The following PCDHGA1 variants were observed in gnomAD, a reference collection of about 807,000 sequenced individuals.
The protein encoded by PCDHGA1 is protocadherin gamma-A1.
In PCDHGA1, 32 loss-of-function variants were observed where a neutral mutation model predicts 58.0. The observed-to-expected ratio is 0.55, with a 90% confidence interval of 0.42 to 0.74. The LOEUF (loss-of-function observed/expected upper bound fraction) is 0.74. Ranked by LOEUF, PCDHGA1 falls within the 30% of genes least tolerant of loss-of-function variation. The pLI is 0.00. For synonymous variants in PCDHGA1, 498 were observed against 501.1 expected (o/e 0.99, Z 0.08); for missense variants, 1,205 against 1,182.3 (o/e 1.02, Z -0.28).
At chr5:141,419,279 G>C in intron 1 of PCDHGA1, 1 of 1,614,042 alleles carries the variant, frequency 6.2e-7, no homozygotes, top group South Asian at 1.1e-5. Flanking sequence ...CATAGCGCAA[G>C]TCAGTGCCTC....
intron 1 of PCDHGA1, chr5:141,387,691 G>C (rs1032902954): frequency 3.3e-5 from 28 of 840,822 alleles, no homozygotes; most frequent in Non-Finnish European, 4.7e-5. Context: ...GCCGCAGCGC[G>C]CTTTCCAGGG....
intron 1 of PCDHGA1, chr5:141,422,819 T>C (rs369004166): frequency 2.5e-6 from 4 of 1,614,068 alleles, no homozygotes; most frequent in Non-Finnish European, 2.5e-6. Flanking sequence ...GACTTAGAAC[T>C]GAGAGTGATA....
chr5:141,365,266 C>A, intron 1 of PCDHGA1: 2 of 1,613,938 alleles, frequency 1.2e-6, no homozygotes, highest in African/African-American at 2.7e-5. Context: ...ATGAAGAATC[C>A]AGATTCTACC....
intron 1 of PCDHGA1, among the ~76,000 whole-genome samples, chr5:141,458,101 G>C (rs530847477): frequency 3.3e-5 from 5 of 152,200 alleles, no homozygotes; most frequent in Non-Finnish European, 7.4e-5. Flanking sequence ...AGTACTTACA[G>C]ATAGTCTCCA....
chr5:141,339,523 G>A (rs6861047), intron 1 of PCDHGA1: 246,600 of 1,614,014 alleles, frequency 0.15, 20,246 homozygotes, highest in Non-Finnish European at 0.17. Context: ...ACGTGCGAAG[G>A]GGAGCTGATG....
At chr5:141,394,696 C>G (rs1006890229) in intron 1 of PCDHGA1, 1 of 1,612,928 alleles carries the variant, frequency 6.2e-7, no homozygotes, top group African/African-American at 1.3e-5. Context: ...GAGGTGCGCA[C>G]GGCGCGAGCC....
At chr5:141,352,759 G>A in intron 1 of PCDHGA1, 1 of 1,332,854 alleles carries the variant, frequency 7.5e-7, no homozygotes. Context: ...CCAGGCTGAG[G>A]CAGGTGGATC....
chr5:141,484,699 T>A (rs899065665), intron 1 of PCDHGA1, among the ~76,000 whole-genome samples: 4 of 151,966 alleles, frequency 2.6e-5, no homozygotes, highest in African/African-American at 9.7e-5. Flanking sequence ...GCTGTGGCTG[T>A]TTTCCCCGCC....
chr5:141,477,551 C>A lies in PCDHGA1; in HGVS notation c.2422-17256C>A. The A allele has an allele frequency of 6.2e-7, 1 of 1,614,178 alleles. No homozygotes were observed. The highest frequency in any genetic ancestry group is 1.3e-5 in the African/African-American group (1 of 75,032). ...CCTCCCCGGGGCTCCAATACTAAAC[C>A]TAAGTGTCTGGGACCCCGACGCCCC... is the stretch of plus-strand genomic sequence containing the variant. On this transcript the variant is annotated intron_variant, in intron 1 of 3. Transcript: ENST00000517417. The surrounding 1 kb of genome is among the most constrained non-coding windows in gnomAD (Gnocchi z 4.9).
intron 2 of PCDHGA1, among the ~76,000 whole-genome samples, chr5:141,502,989 G>A (rs140974023): frequency 0.024 from 3,652 of 150,590 alleles, 56 homozygotes; most frequent in East Asian, 0.043. Context: ...GATTACAGGC[G>A]TGTGCCACCA....
intron 1 of PCDHGA1, chr5:141,423,820 C>T: frequency 7.9e-7 from 1 of 1,272,642 alleles, no homozygotes. Context: ...TTTTACTTTG[C>T]CTTTCATGAG....
chr5:141,433,115 G>T, intron 1 of PCDHGA1: 1 of 1,613,762 alleles, frequency 6.2e-7, no homozygotes, highest in Non-Finnish European at 8.5e-7. Context: ...GGAGAGCTTT[G>T]AAAAAAGCGA....
chr5:141,362,099 C>T, intron 1 of PCDHGA1: 1 of 1,613,886 alleles, frequency 6.2e-7, no homozygotes, highest in South Asian at 1.1e-5. Context: ...CCGCCACTCT[C>T]CGCTACGGCC....
chr5:141,413,910 C>T, intron 1 of PCDHGA1: 1 of 1,613,376 alleles, frequency 6.2e-7, no homozygotes, highest in Non-Finnish European at 8.5e-7. Flanking sequence ...ACGCGCCGGT[C>T]TTCACCTTGC....
chr5:141,360,595 C>G, intron 1 of PCDHGA1: 2 of 1,614,022 alleles, frequency 1.2e-6, no homozygotes, highest in Non-Finnish European at 1.7e-6. Context: ...AACATTTCCA[C>G]TTGACCCAGC....
intron 1 of PCDHGA1, chr5:141,422,076 G>C (rs2096622180): frequency 1.2e-6 from 2 of 1,612,270 alleles, no homozygotes; most frequent in South Asian, 1.1e-5. Flanking sequence ...ATTCATTTCG[G>C]AACATGGAAA....
Position 141,403,985 on chromosome 5 carries a change from C to T in PCDHGA1, c.2421+70880C>T, listed in dbSNP as rs765326042. The T allele has an allele frequency of 5.7e-5, 92 of 1,613,546 alleles. No individual in the cohort carries two copies. The Admixed American group carries it at 7.2e-4, about 13-fold the overall frequency. On this transcript the variant is annotated intron_variant, in intron 1 of 3. Coordinates refer to ENST00000517417, the MANE Select transcript of PCDHGA1 (RefSeq NM_018912.3). ...GGTGGAAGATGTAAATGACAATAGA[C>T]CTGAAGTGACCATTACATCTCTGTT...
In PCDHGA1 at chr5:141,423,069, G is replaced by A. The variant is rs1364397726; in HGVS notation, c.2422-71738G>A. ...CCTATCGCCTGCTTAAGGCCAGCGA[G>A]CCGGGACTCTTCGCGGTGGGGGAGC... On this transcript the variant is annotated intron_variant, in intron 1 of 3. Transcript: ENST00000517417. 8 of 1,614,034 alleles carry A rather than the reference G, an allele frequency of 5.0e-6. No homozygotes were observed. In the African/African-American group the frequency reaches 1.1e-4, roughly 22 times the overall value.
chr5:141,413,981 C>A (rs563161887), intron 1 of PCDHGA1: 1 of 1,613,452 alleles, frequency 6.2e-7, no homozygotes, highest in Admixed American at 1.7e-5. Context: ...CTGACAGTCA[C>A]AGCCACCGAC....
Sources: gnomAD v4.1 joint callset for allele counts (sites outside exome capture counted in the v4.1 genomes callset) on GRCh38, gnomAD v4.1.1 for gene constraint, Gnocchi (gnomAD v3.1) non-coding constraint, MANE v1.5 for transcripts, NCBI Gene and HGNC (gene_info 2026-07-23, HGNC 2026-07-21) for gene names.